Variants in RGS6 observed in about 807,000 individuals in gnomAD.
The protein encoded by RGS6 is regulator of G protein signaling 6, also known as regulator of G-protein signaling 6.
RGS6 carries 30 observed loss-of-function variants against 78.5 expected under a neutral mutation model. That is an observed-to-expected ratio of 0.38 (90% CI 0.29 to 0.52). The LOEUF (loss-of-function observed/expected upper bound fraction) is 0.52, where lower values mean the gene tolerates loss of function less well. Ranked by LOEUF, RGS6 falls within the 20% of genes least tolerant of loss-of-function variation. RGS6 has a pLI of 0.85. For synonymous variants in RGS6, 206 were observed against 206.0 expected, an observed-to-expected ratio of 1.00 and a Z score of 0.00; for missense variants, 495 against 609.7, an observed-to-expected ratio of 0.81 and a Z score of 1.98.
the RGS6 span, among the ~76,000 whole-genome samples, chr14:72,594,131 GGTAA>G: frequency 2.0e-5 from 3 of 152,084 alleles, no homozygotes; most frequent in African/African-American, 7.2e-5. Flanking sequence ...TCTTTTATGA[GGTAA>G]GTATTTTTGA....
At chr14:72,346,408 C>G (rs1419516129) in intron 2 of RGS6, among the ~76,000 whole-genome samples, 1 of 152,200 alleles carries the variant, frequency 6.6e-6, no homozygotes, top group Admixed American at 6.5e-5. Context: ...GGTCATTTCT[C>G]TGTCTGGCTT....
At chr14:71,940,919 TTAAGC>T (rs1228513539) in intron 1 of RGS6, among the ~76,000 whole-genome samples, 1 of 152,182 alleles carries the variant, frequency 6.6e-6, no homozygotes, top group Non-Finnish European at 1.5e-5. Flanking sequence ...TTCCTGTACA[TTAAGC>T]CAAGGGAGAT....
chr14:72,581,099 T>C, the RGS6 span, among the ~76,000 whole-genome samples: 2 of 152,170 alleles, frequency 1.3e-5, no homozygotes, highest in African/African-American at 2.4e-5. Flanking sequence ...AGCAGTCTCA[T>C]GTCTAGGGGC....
At chr14:72,568,115 C>G (rs368684728), downstream of RGS6, among the ~76,000 whole-genome samples, 2 of 152,216 alleles carry the variant, frequency 1.3e-5, no homozygotes, top group Non-Finnish European at 2.9e-5. Context: ...CGGTTCTCCT[C>G]CTCAGAGCCC....
chr14:72,614,234 C>T, the RGS6 span, among the ~76,000 whole-genome samples: 6 of 152,326 alleles, frequency 3.9e-5, no homozygotes, highest in Middle Eastern at 6.8e-3. Context: ...CACCTTCTGA[C>T]CACGGACCAG....
intron 2 of RGS6, among the ~76,000 whole-genome samples, chr14:72,185,980 T>A (rs930058937): frequency 6.6e-6 from 1 of 152,248 alleles, no homozygotes; most frequent in Non-Finnish European, 1.5e-5. Context: ...TCAACCACTT[T>A]CCTAACAAGT....
chr14:72,580,402 T>C, the RGS6 span, among the ~76,000 whole-genome samples: 7 of 151,528 alleles, frequency 4.6e-5, no homozygotes, highest in East Asian at 1.4e-3. Context: ...AGAATTGTTC[T>C]TGCTCTGACC....
intron 4 of RGS6, among the ~76,000 whole-genome samples, chr14:72,455,641 T>C (rs925607734): frequency 1.3e-5 from 2 of 152,210 alleles, no homozygotes; most frequent in African/African-American, 4.8e-5. Context: ...CTCTCACAAC[T>C]AGTGAAAATT....
At chr14:71,976,090 T>G (rs538068622) in intron 2 of RGS6, among the ~76,000 whole-genome samples, 1 of 151,988 alleles carries the variant, frequency 6.6e-6, no homozygotes, top group African/African-American at 2.4e-5. Flanking sequence ...TCTAGTTTTC[T>G]GCTAAACTTC....
chr14:72,151,323 T>A (rs1301083677), intron 2 of RGS6, among the ~76,000 whole-genome samples: 1 of 152,216 alleles, frequency 6.6e-6, no homozygotes, highest in African/African-American at 2.4e-5. Flanking sequence ...GAATGAAGTA[T>A]GTCAAAAACA....
chr14:72,507,774 A>C (rs1453205174), intron 13 of RGS6, among the ~76,000 whole-genome samples: 1 of 152,220 alleles, frequency 6.6e-6, no homozygotes, highest in African/African-American at 2.4e-5. Flanking sequence ...TAATATGGGC[A>C]CAGCCCTCAT....
chr14:72,280,656 T>G (rs2061419760), intron 2 of RGS6, among the ~76,000 whole-genome samples: 1 of 152,238 alleles, frequency 6.6e-6, no homozygotes, highest in Admixed American at 6.5e-5. Context: ...TGCAAGGTAG[T>G]CAGAAGAGAC....
chr14:72,213,465 C>G (rs537012973), intron 2 of RGS6, among the ~76,000 whole-genome samples: 1 of 152,116 alleles, frequency 6.6e-6, no homozygotes, highest in South Asian at 2.1e-4. Context: ...GAACGTTTAC[C>G]CCCCTGTGAT....
chr14:72,284,986 T>G (rs1309619923), intron 2 of RGS6, among the ~76,000 whole-genome samples: 8 of 152,188 alleles, frequency 5.3e-5, no homozygotes, highest in Admixed American at 5.2e-4. Flanking sequence ...AGCCCCCTCA[T>G]TTTGGCCAAT....
intron 17 of RGS6, chr14:72,541,239 G>C: frequency 6.9e-7 from 1 of 1,442,870 alleles, no homozygotes; most frequent in Non-Finnish European, 9.2e-7. Context: ...TGTGTGACTG[G>C]TATACGTATT....
intron 2 of RGS6, among the ~76,000 whole-genome samples, chr14:72,025,708 A>G (rs1458091840): frequency 6.6e-6 from 1 of 152,200 alleles, no homozygotes; most frequent in Non-Finnish European, 1.5e-5. Context: ...TTTGACACTT[A>G]CATGTTAGGA....
At chr14:72,612,514 G>A in the RGS6 span, 5 of 517,072 alleles carry the variant, frequency 9.7e-6, no homozygotes, top group South Asian at 4.2e-5. Context: ...TTTCCTATAC[G>A]CCACTGTTGC....
At chr14:72,363,155 G>A (rs1272220990) in intron 3 of RGS6, among the ~76,000 whole-genome samples, 1 of 152,158 alleles carries the variant, frequency 6.6e-6, no homozygotes, top group African/African-American at 2.4e-5. Flanking sequence ...TGTTCCAAAG[G>A]TGGGGCTGCT....
chr14:72,607,353 C>T, the RGS6 span, among the ~76,000 whole-genome samples: 6 of 152,352 alleles, frequency 3.9e-5, no homozygotes, highest in South Asian at 1.2e-3. Context: ...AAGGGCCTGC[C>T]TCCTCATGGA....
Sources: allele counts gnomAD v4.1 joint callset (sites outside exome capture counted in the v4.1 genomes callset), GRCh38; gene constraint gnomAD v4.1.1; transcripts MANE v1.5; gene names NCBI Gene and HGNC (gene_info 2026-07-23, HGNC 2026-07-21).